Variants in FANCC observed in about 807,000 individuals in gnomAD.
The protein encoded by FANCC is Fanconi anemia group C protein.
In FANCC, 55 loss-of-function variants were observed where a neutral mutation model predicts 71.3. The observed-to-expected ratio is 0.77, with a 90% CI of 0.62 to 0.97. The LOEUF (loss-of-function observed/expected upper bound fraction) is 0.97, where lower values mean the gene tolerates loss of function less well. FANCC is among the 50% of genes least tolerant of loss of function. FANCC has a pLI of 0.00. For missense variants in FANCC, 678 were observed against 670.9 expected (o/e 1.01, Z -0.12); for synonymous variants, 275 against 244.9 (o/e 1.12, Z -1.15).
chr9:95,311,772 T>C (rs151333901), intron 1 of FANCC, among the ~76,000 whole-genome samples: 33 of 151,602 alleles, frequency 2.2e-4, no homozygotes, highest in East Asian at 9.7e-4. Context: ...AACTGTCTTA[T>C]GGGTAGTCAC....
At chr9:95,203,795 T>C (rs1158048762) in intron 4 of FANCC, among the ~76,000 whole-genome samples, 2 of 152,214 alleles carry the variant, frequency 1.3e-5, no homozygotes, top group Non-Finnish European at 1.5e-5. Flanking sequence ...TCTTTAATGT[T>C]TGTCTCAATA....
chr9:95,252,641 G>A (rs545976644), intron 1 of FANCC, among the ~76,000 whole-genome samples: 1 of 151,562 alleles, frequency 6.6e-6, no homozygotes, highest in Admixed American at 6.6e-5. Flanking sequence ...AGCTACTCAG[G>A]AGGCTGAGGC....
intron 1 of FANCC, among the ~76,000 whole-genome samples, chr9:95,308,501 G>A (rs1348152065): frequency 1.3e-5 from 2 of 151,918 alleles, no homozygotes; most frequent in Non-Finnish European, 2.9e-5. Flanking sequence ...GGCCAGGCTG[G>A]AGTCGAACTC....
At chr9:95,104,764 A>G (rs1464817981) in intron 14 of FANCC, among the ~76,000 whole-genome samples, 1 of 152,078 alleles carries the variant, frequency 6.6e-6, no homozygotes, top group African/African-American at 2.4e-5. Context: ...CCTGCTGCTA[A>G]GCCTTCTCCA....
At position 95,102,178 on chromosome 9, in the gene FANCC, G is replaced by A. The variant is rs4647550; in HGVS notation, c.1534-328C>T. On this transcript the variant is annotated intron_variant, in intron 14 of 14. Coordinates refer to ENST00000289081, the MANE Select transcript of FANCC (RefSeq NM_000136.3). ...CTTCTCAGAATGCCAGTCACAAGTT[G>A]TGGGATGATCCACTGTGGGGAACAA... Among the ~76,000 whole-genome samples, 206 of 152,336 alleles carry A rather than the reference G, an allele frequency of 1.4e-3. 2 individuals are homozygous for A. Among genetic ancestry groups the A allele is most frequent in the Admixed American group, 0.013 (197 of 15,296 alleles).
At position 95,101,540 on chromosome 9, in the gene FANCC, T is replaced by A. The variant is rs2071071966; in HGVS notation, c.*167A>T. On this transcript the variant is annotated 3_prime_UTR_variant, in exon 15 of 15. Coordinates refer to ENST00000289081, the MANE Select transcript of FANCC (RefSeq NM_000136.3). ...CTGGGCTGAGGGACCTGGCTCTGCA[T>A]TTTGTAAAATAGATACTAGCAGATT... 1 of 832,900 alleles carries A rather than the reference T, an allele frequency of 1.2e-6. No individual in the cohort carries two copies. The allele number at this position is 832,900 out of a possible 1,614,324, so 51.6% of individuals were successfully genotyped here. A position where few individuals can be genotyped will look rare whatever the true frequency, so the allele number is the denominator to read the frequency against.
chr9:95,144,407 A>C (rs955794251), intron 7 of FANCC, among the ~76,000 whole-genome samples: 1 of 152,232 alleles, frequency 6.6e-6, no homozygotes, highest in Non-Finnish European at 1.5e-5. Flanking sequence ...AGAACATGCT[A>C]TCACAAGCAA....
chr9:95,217,112 T>C (rs2135912571), intron 4 of FANCC, among the ~76,000 whole-genome samples: 1 of 152,270 alleles, frequency 6.6e-6, no homozygotes, highest in South Asian at 2.1e-4. Context: ...TACAAATATA[T>C]AATCAGACAC....
At chr9:95,247,733 A>C (rs1429979445) in intron 2 of FANCC, among the ~76,000 whole-genome samples, 3 of 152,224 alleles carry the variant, frequency 2.0e-5, no homozygotes, top group African/African-American at 7.2e-5. Context: ...GGGGTCACCA[A>C]ACTAAGATGT....
intron 4 of FANCC, among the ~76,000 whole-genome samples, chr9:95,178,871 A>T (rs1564727052): frequency 6.6e-6 from 1 of 152,322 alleles, no homozygotes; most frequent in East Asian, 1.9e-4. Context: ...TTGGTGTACA[A>T]ATGACTGAAT....
At chr9:95,200,473 G>A (rs1232502937) in intron 4 of FANCC, among the ~76,000 whole-genome samples, 2 of 152,202 alleles carry the variant, frequency 1.3e-5, no homozygotes, top group African/African-American at 4.8e-5. Flanking sequence ...AAGCCATGGT[G>A]TAAACTATCA....
chr9:95,193,396 A>T (rs1827230250), intron 4 of FANCC, among the ~76,000 whole-genome samples: 1 of 152,198 alleles, frequency 6.6e-6, no homozygotes, highest in African/African-American at 2.4e-5. Flanking sequence ...TGGAGACGAA[A>T]CAGACCTCCA....
intron 4 of FANCC, among the ~76,000 whole-genome samples, chr9:95,178,723 C>T (rs1564726967): frequency 6.6e-6 from 1 of 152,134 alleles, no homozygotes; most frequent in Non-Finnish European, 1.5e-5. Flanking sequence ...GGACACAGCA[C>T]CCAATACAAG....
chr9:95,300,233 A>G (rs1834639621), intron 1 of FANCC, among the ~76,000 whole-genome samples: 1 of 152,216 alleles, frequency 6.6e-6, no homozygotes, highest in Non-Finnish European at 1.5e-5. Flanking sequence ...ATGAAATTTA[A>G]GCAGAAGGGA....
At chr9:95,261,874 G>A (rs945742597) in intron 1 of FANCC, among the ~76,000 whole-genome samples, 5 of 152,050 alleles carry the variant, frequency 3.3e-5, no homozygotes, top group Admixed American at 6.5e-5. Context: ...AGGTGGGAGC[G>A]GATCCTTCAG....
chr9:95,272,434 A>C (rs970978581), intron 1 of FANCC, among the ~76,000 whole-genome samples: 1 of 152,312 alleles, frequency 6.6e-6, no homozygotes, highest in Admixed American at 6.5e-5. Context: ...TAAAATGAAC[A>C]TAAGTTAGCC....
chr9:95,293,293 T>C (rs549573514), intron 1 of FANCC: 1 of 1,613,682 alleles, frequency 6.2e-7, no homozygotes, highest in South Asian at 1.1e-5. Context: ...TCTTTGTGCC[T>C]ACAGCCGACT....
intron 13 of FANCC, among the ~76,000 whole-genome samples, chr9:95,109,445 A>ATTTTT (rs920302999): frequency 6.8e-6 from 1 of 147,174 alleles, no homozygotes; most frequent in African/African-American, 2.5e-5. Context: ...CCCTTGCCTG[A>ATTTTT]TTTTTTTTTT....
At chr9:95,234,250 TA>T (rs1177808144) in intron 4 of FANCC, among the ~76,000 whole-genome samples, 1 of 152,206 alleles carries the variant, frequency 6.6e-6, no homozygotes, top group Non-Finnish European at 1.5e-5. Context: ...TCTGAAAAAA[TA>T]AATTTGTACA....
Sources: allele counts gnomAD v4.1 joint callset (sites outside exome capture counted in the v4.1 genomes callset), GRCh38; gene constraint gnomAD v4.1.1; transcripts MANE v1.5; gene names NCBI Gene and HGNC (gene_info 2026-07-23, HGNC 2026-07-21).